Variants in SKAP1 observed in about 807,000 individuals in gnomAD.
The protein encoded by SKAP1 is src kinase-associated phosphoprotein 1.
Under a neutral mutation model 58.5 loss-of-function variants are expected in SKAP1, and 44 were observed. The observed-to-expected ratio is 0.75, with a 90% CI of 0.59 to 0.97. The LOEUF is 0.97. SKAP1 is among the 50% of genes least tolerant of loss of function. The probability of loss-of-function intolerance (pLI) is 0.00; values close to 1 mark genes in which losing one functional copy is unlikely to be tolerated. For synonymous variants in SKAP1, 127 were observed against 149.7 expected, an observed-to-expected ratio of 0.85 and a Z score of 1.11; for missense variants, 390 against 435.2, an observed-to-expected ratio of 0.90 and a Z score of 0.92.
At chr17:48,285,801 G>C (rs1202031552) in intron 4 of SKAP1, among the ~76,000 whole-genome samples, 4 of 152,108 alleles carry the variant, frequency 2.6e-5, no homozygotes, top group African/African-American at 9.7e-5. Flanking sequence ...TCCTTAATCT[G>C]TTCCTTGTTT....
chr17:48,412,896 T>C (rs2067682151), intron 1 of SKAP1, among the ~76,000 whole-genome samples: 1 of 152,120 alleles, frequency 6.6e-6, no homozygotes, highest in African/African-American at 2.4e-5. Context: ...CAAAACACTT[T>C]AGGAGGTCAC....
chr17:48,347,410 A>T (rs1445559824), intron 3 of SKAP1, among the ~76,000 whole-genome samples: 2 of 152,188 alleles, frequency 1.3e-5, no homozygotes, highest in Non-Finnish European at 2.9e-5. Flanking sequence ...ATTTCCTACA[A>T]TTAAACTAGA....
chr17:48,272,274 G>T (rs1275636773), intron 4 of SKAP1, among the ~76,000 whole-genome samples: 1 of 151,936 alleles, frequency 6.6e-6, no homozygotes, highest in Non-Finnish European at 1.5e-5. Flanking sequence ...TGGGATTACA[G>T]GTGTGTGCCA....
chr17:48,329,638 C>T (rs372678520), intron 4 of SKAP1, among the ~76,000 whole-genome samples: 60 of 152,182 alleles, frequency 3.9e-4, no homozygotes, highest in East Asian at 2.9e-3. Flanking sequence ...ACCCGGGAGG[C>T]GGAGGTTGCA....
intron 4 of SKAP1, among the ~76,000 whole-genome samples, chr17:48,297,390 C>T (rs1406211470): frequency 2.0e-5 from 3 of 152,094 alleles, no homozygotes; most frequent in South Asian, 2.1e-4. Context: ...CTTTCACCAG[C>T]AGATCTTGAA....
intron 4 of SKAP1, among the ~76,000 whole-genome samples, chr17:48,199,499 C>T (rs1398366088): frequency 6.6e-6 from 1 of 152,182 alleles, no homozygotes; most frequent in Non-Finnish European, 1.5e-5. Flanking sequence ...TGGGAGTACT[C>T]CTTCAGTTCA....
At chr17:48,357,339 A>C (rs1019573166) in intron 3 of SKAP1, among the ~76,000 whole-genome samples, 2 of 152,214 alleles carry the variant, frequency 1.3e-5, no homozygotes, top group Non-Finnish European at 2.9e-5. Flanking sequence ...TGTTAAAAAA[A>C]AAATCTTTTG....
At chr17:48,360,610 T>C (rs2066923367) in intron 3 of SKAP1, among the ~76,000 whole-genome samples, 1 of 152,178 alleles carries the variant, frequency 6.6e-6, no homozygotes. Context: ...TATTGTCAAG[T>C]AAAAATAAAA....
chr17:48,356,515 G>A (rs2066878125), intron 3 of SKAP1, among the ~76,000 whole-genome samples: 1 of 152,054 alleles, frequency 6.6e-6, no homozygotes, highest in Non-Finnish European at 1.5e-5. Flanking sequence ...GACAACCATT[G>A]TGAGATTTCT....
intron 2 of SKAP1, among the ~76,000 whole-genome samples, chr17:48,371,069 G>A (rs541422842): frequency 1.3e-5 from 2 of 152,138 alleles, no homozygotes; most frequent in Non-Finnish European, 2.9e-5. Context: ...ATAAGCGGGA[G>A]CTAAACATTA....
chr17:48,436,014 C>T, the SKAP1 span, among the ~76,000 whole-genome samples: 1 of 152,000 alleles, frequency 6.6e-6, no homozygotes, highest in Non-Finnish European at 1.5e-5. Context: ...AAGATATGTT[C>T]TTTCCTTGCC....
At chr17:48,159,946 C>CAACATGGG (rs1336637644) in intron 11 of SKAP1, among the ~76,000 whole-genome samples, 1 of 152,034 alleles carries the variant, frequency 6.6e-6, no homozygotes, top group African/African-American at 2.4e-5. Context: ...CAGGGATTTG[C>CAACATGGG]AACATGGGGA....
rs144840134 is a variant in SKAP1, at chr17:48,292,023, T to A, written c.280+53882A>T. On this transcript the variant is annotated intron_variant, in intron 4 of 12. Transcript: ENST00000336915. ...AGTATCTAATATACTTCATTAGCTA[T>A]CTTATATCAGATAAGGGTTTATTTC... is the stretch of plus-strand genomic sequence containing the variant. 3.9e-3 allele frequency among the ~76,000 whole-genome samples: 594 copies of A among 152,090 alleles called. 4 individuals carry two copies. The highest frequency in any genetic ancestry group is 0.014 in the African/African-American group (561 of 41,512).
At chr17:48,371,727 C>CT (rs889355527) in intron 2 of SKAP1, among the ~76,000 whole-genome samples, 5 of 132,778 alleles carry the variant, frequency 3.8e-5, no homozygotes, top group Non-Finnish European at 6.2e-5. Context: ...GTCCCAGCTA[C>CT]TTGGGAGGCT....
intron 10 of SKAP1, among the ~76,000 whole-genome samples, chr17:48,164,266 A>G (rs1395068914): frequency 6.6e-6 from 1 of 152,250 alleles, no homozygotes; most frequent in Non-Finnish European, 1.5e-5. Context: ...TAAACTCAGG[A>G]ATGAAAGAAT....
intron 4 of SKAP1, among the ~76,000 whole-genome samples, chr17:48,206,301 T>C (rs945169453): frequency 2.0e-5 from 3 of 152,116 alleles, no homozygotes; most frequent in Non-Finnish European, 4.4e-5. Flanking sequence ...AAGAGATGCA[T>C]AGGGTGAGGT....
chr17:48,243,577 G>T (rs2065264061), intron 4 of SKAP1, among the ~76,000 whole-genome samples: 1 of 152,114 alleles, frequency 6.6e-6, no homozygotes, highest in South Asian at 2.1e-4. Flanking sequence ...AGAACTTAAA[G>T]TCCCTGATTT....
rs562754393 is a variant in SKAP1, at chr17:48,193,638, T to C, written c.281-4138A>G. On this transcript the variant is annotated intron_variant, in intron 4 of 12. Transcript: ENST00000336915. ...AAATAACCAAGGTGGGAATCCACAG[T>C]GGCATGCAAGGTACCTCCTCTTTCA... 10 of 959,008 alleles carry C rather than the reference T, an allele frequency of 1.0e-5. No individual in the cohort carries two copies. In the East Asian group the frequency reaches 1.2e-3, roughly 110 times the overall value. 59.4% of individuals were successfully genotyped at this position (959,008 alleles called of 1,614,324 possible).
intron 4 of SKAP1, among the ~76,000 whole-genome samples, chr17:48,292,035 T>A (rs1408866645): frequency 6.6e-6 from 1 of 150,884 alleles, no homozygotes; most frequent in African/African-American, 2.4e-5. Flanking sequence ...TTATATCAGA[T>A]AAGGGTTTAT....
Sources: gnomAD v4.1 joint callset for allele counts (sites outside exome capture counted in the v4.1 genomes callset) on GRCh38, gnomAD v4.1.1 for gene constraint, MANE v1.5 for transcripts, NCBI Gene and HGNC (gene_info 2026-07-23, HGNC 2026-07-21) for gene names.